The following EFCAB6 variants were observed in gnomAD, a reference collection of about 807,000 sequenced individuals.
The protein encoded by EFCAB6 is EF-hand calcium-binding domain-containing protein 6.
A neutral mutation model predicts 169.8 loss-of-function variants in EFCAB6; 156 were observed. That is an observed-to-expected ratio of 0.92 (90% confidence interval 0.81 to 1.05). The LOEUF (loss-of-function observed/expected upper bound fraction) is 1.05, where lower values mean the gene tolerates loss of function less well. Among genes scored for constraint, EFCAB6 ranks in the 50% least tolerant of loss-of-function variants. The pLI, the probability that EFCAB6 is intolerant of heterozygous loss-of-function variation, is 0.00. For synonymous variants in EFCAB6, 698 were observed against 676.4 expected, an observed-to-expected ratio of 1.03 and a Z score of -0.50; for missense variants, 1,800 against 1,829.1, an observed-to-expected ratio of 0.98 and a Z score of 0.29.
At chr22:43,622,404 A>C (rs1338158595) in intron 20 of EFCAB6, among the ~76,000 whole-genome samples, 2 of 152,114 alleles carry the variant, frequency 1.3e-5, no homozygotes, top group Non-Finnish European at 2.9e-5. Flanking sequence ...GTCTCTACTA[A>C]AAATACAAAA....
chr22:43,558,252 A>G (rs1227260655), intron 26 of EFCAB6, among the ~76,000 whole-genome samples: 1 of 152,232 alleles, frequency 6.6e-6, no homozygotes, highest in Non-Finnish European at 1.5e-5. Flanking sequence ...GGCTGGATTC[A>G]AGCTAAAAGT....
At chr22:43,737,434 TCACA>T (rs1227860464) in intron 6 of EFCAB6, among the ~76,000 whole-genome samples, 9 of 142,548 alleles carry the variant, frequency 6.3e-5, no homozygotes, top group African/African-American at 2.1e-4. Context: ...ACACCATCAC[TCACA>T]CACACATATA....
chr22:43,576,171 A>G, intron 26 of EFCAB6, 126 bp downstream of exon 26: 1 of 694,858 alleles, frequency 1.4e-6, no homozygotes, highest in Non-Finnish European at 2.2e-6. Context: ...TTTTTCATTT[A>G]GAATGAGCTA....
At chr22:43,666,648 T>C (rs1188040598) in intron 17 of EFCAB6, among the ~76,000 whole-genome samples, 1 of 149,284 alleles carries the variant, frequency 6.7e-6, no homozygotes, top group Non-Finnish European at 1.5e-5. Context: ...CATAAGCACA[T>C]GCAAATCAGC....
intron 21 of EFCAB6, among the ~76,000 whole-genome samples, chr22:43,612,633 T>G (rs2053394491): frequency 6.6e-6 from 1 of 152,228 alleles, no homozygotes; most frequent in South Asian, 2.1e-4. Context: ...GGCTCACACC[T>G]GTAATTCCAG....
rs374457701 is a variant in EFCAB6 at position 43,690,853 on chromosome 22, A to G, written c.1032-3272T>C. On this transcript the variant is annotated intron_variant, in intron 10 of 31. Transcript: ENST00000262726. ...AATTCTACTCCTCTTTCAGGTCTCA[A>G]TGCAATAACTGTTTCTTCAAGGAAG... is the stretch of plus-strand genomic sequence containing the variant. Among the ~76,000 whole-genome samples, 5 of 151,936 alleles carry G rather than the reference A, an allele frequency of 3.3e-5. No individual in the cohort carries two copies. In the East Asian group the frequency reaches 7.8e-4, roughly 24 times the overall value.
intron 2 of EFCAB6, among the ~76,000 whole-genome samples, chr22:43,786,947 G>A (rs73174382): frequency 0.044 from 6,575 of 151,100 alleles, 156 homozygotes; most frequent in Non-Finnish European, 0.052. Context: ...ATTAATCAAG[G>A]AAAAAAAACA....
intron 10 of EFCAB6, among the ~76,000 whole-genome samples, chr22:43,694,078 T>C (rs764312925): frequency 5.9e-5 from 9 of 152,008 alleles, no homozygotes; most frequent in Non-Finnish European, 1.0e-4. Flanking sequence ...ACTTAAATAT[T>C]GATCAACTGA....
chr22:43,543,816 G>A (rs757431659), intron 27 of EFCAB6, among the ~76,000 whole-genome samples: 9 of 152,164 alleles, frequency 5.9e-5, no homozygotes, highest in Admixed American at 1.3e-4. Flanking sequence ...GCACTGATGT[G>A]AGCCGAGGGT....
At chr22:43,602,496 G>A (rs974366214) in intron 22 of EFCAB6, among the ~76,000 whole-genome samples, 2 of 152,140 alleles carry the variant, frequency 1.3e-5, no homozygotes, top group Non-Finnish European at 2.9e-5. Context: ...ATACCTAGGA[G>A]GCGGAAGGGC....
At chr22:43,645,569 T>C (rs1395002029) in intron 17 of EFCAB6, among the ~76,000 whole-genome samples, 2 of 152,246 alleles carry the variant, frequency 1.3e-5, no homozygotes, top group African/African-American at 4.8e-5. Context: ...AACCATTTAC[T>C]ATGGCTTTGT....
chr22:43,722,061 A>G (rs2059548705), intron 8 of EFCAB6, among the ~76,000 whole-genome samples: 1 of 152,110 alleles, frequency 6.6e-6, no homozygotes, highest in Non-Finnish European at 1.5e-5. Flanking sequence ...AAAACAAATA[A>G]CCCCATTAAA....
chr22:43,757,290 G>A (rs555848872), intron 5 of EFCAB6, among the ~76,000 whole-genome samples: 6 of 152,242 alleles, frequency 3.9e-5, no homozygotes, highest in Non-Finnish European at 7.3e-5. Context: ...GCTCACGCCT[G>A]TAATCCCAGC....
At chr22:43,671,414 T>C (rs2057488523) in intron 15 of EFCAB6, among the ~76,000 whole-genome samples, 2 of 152,072 alleles carry the variant, frequency 1.3e-5, no homozygotes, top group Non-Finnish European at 2.9e-5. Context: ...GAGTTGATTG[T>C]GTATCATTAT....
chr22:43,727,562 A>C (rs1273137276), intron 8 of EFCAB6, among the ~76,000 whole-genome samples: 1 of 152,236 alleles, frequency 6.6e-6, no homozygotes, highest in Non-Finnish European at 1.5e-5. Context: ...GGAGCGTAGC[A>C]ATGTATTATG....
chr22:43,697,257 C>T (rs1486254095), intron 10 of EFCAB6, among the ~76,000 whole-genome samples: 1 of 152,148 alleles, frequency 6.6e-6, no homozygotes, highest in African/African-American at 2.4e-5. Flanking sequence ...AACCCTTTGA[C>T]TTGAGAGTTA....
intron 11 of EFCAB6, among the ~76,000 whole-genome samples, chr22:43,685,401 C>G (rs1024328122): frequency 7.2e-5 from 11 of 152,112 alleles, no homozygotes; most frequent in Non-Finnish European, 2.9e-5. Context: ...GCTGGGAGCC[C>G]AGAGAGAACA....
intron 30 of EFCAB6, among the ~76,000 whole-genome samples, chr22:43,533,821 C>A (rs1232390615): frequency 6.6e-6 from 1 of 152,186 alleles, no homozygotes; most frequent in African/African-American, 2.4e-5. Context: ...GTCTATGGGG[C>A]AGGTGGCAGC....
intron 1 of EFCAB6, 88 bp from the exon 2 acceptor site, chr22:43,809,219 T>G (rs2063022743): frequency 6.6e-6 from 1 of 152,200 alleles, no homozygotes. Flanking sequence ...AAAATAAATT[T>G]TATTACCTTC....
Sources: gnomAD v4.1 joint callset for allele counts (sites outside exome capture counted in the v4.1 genomes callset) on GRCh38, gnomAD v4.1.1 for gene constraint, MANE v1.5 for transcripts, NCBI Gene and HGNC (gene_info 2026-07-23, HGNC 2026-07-21) for gene names.